The following CPPED1 variants were observed in gnomAD, a reference collection of about 807,000 sequenced individuals.
The protein encoded by CPPED1 is calcineurin like phosphoesterase domain containing 1, also known as serine/threonine-protein phosphatase CPPED1.
In CPPED1, 28 loss-of-function variants were observed where a neutral mutation model predicts 28.0. The observed-to-expected ratio is 1.00, with a 90% CI of 0.74 to 1.37. CPPED1 has a LOEUF of 1.37. CPPED1 is among the 40% of genes most tolerant of loss of function. CPPED1 has a pLI of 0.00. For synonymous variants in CPPED1, 198 were observed against 180.2 expected (o/e 1.10, Z -0.79); for missense variants, 504 against 416.5 (o/e 1.21, Z -1.83).
intron 1 of CPPED1, among the ~76,000 whole-genome samples, chr16:12,798,389 A>T (rs947582916): frequency 7.2e-5 from 11 of 152,240 alleles, no homozygotes; most frequent in African/African-American, 2.7e-4. Context: ...TCATCCTGTT[A>T]GAATTTTTAA....
chr16:12,768,871 T>C (rs1567301795), intron 2 of CPPED1, among the ~76,000 whole-genome samples: 1 of 151,030 alleles, frequency 6.6e-6, no homozygotes, highest in Admixed American at 6.6e-5. Context: ...CTTTTTCTTT[T>C]TTTTTTTTTT....
At chr16:12,755,254 C>T (rs1384559489) in intron 2 of CPPED1, among the ~76,000 whole-genome samples, 1 of 151,164 alleles carries the variant, frequency 6.6e-6, no homozygotes, top group African/African-American at 2.4e-5. Flanking sequence ...CTCAGGGTAA[C>T]CTTCTCACAA....
chr16:12,703,681 CAAAAAAAAAA>C (rs11334902), intron 3 of CPPED1, among the ~76,000 whole-genome samples: 7 of 97,310 alleles, frequency 7.2e-5, no homozygotes, highest in Non-Finnish European at 1.5e-4. Flanking sequence ...GACTTTGTCT[CAAAAAAAAAA>C]AAAAAAAAAA....
intron 2 of CPPED1, among the ~76,000 whole-genome samples, chr16:12,779,591 T>A (rs907175800): frequency 2.0e-5 from 3 of 152,062 alleles, no homozygotes; most frequent in African/African-American, 7.2e-5. Context: ...AATTTCACCA[T>A]GTTGGCCAGG....
intron 1 of CPPED1, among the ~76,000 whole-genome samples, chr16:12,783,615 T>A (rs1297680365): frequency 6.6e-6 from 1 of 152,168 alleles, no homozygotes; most frequent in Non-Finnish European, 1.5e-5. Context: ...ATAACCTTTT[T>A]AAATTCCATG....
chr16:12,702,538 A>G (rs2080026018), intron 3 of CPPED1, among the ~76,000 whole-genome samples: 1 of 150,056 alleles, frequency 6.7e-6, no homozygotes, highest in Non-Finnish European at 1.5e-5. Flanking sequence ...ACTCTCAATC[A>G]ATCAATCAAT....
chr16:12,715,497 TA>T (rs1409043894), intron 2 of CPPED1, among the ~76,000 whole-genome samples: 1 of 151,932 alleles, frequency 6.6e-6, no homozygotes, highest in African/African-American at 2.4e-5. Context: ...CCATCTCTAC[TA>T]AAAGTACAAA....
intron 2 of CPPED1, among the ~76,000 whole-genome samples, chr16:12,733,524 C>A (rs141709159): frequency 2.5e-3 from 385 of 152,320 alleles, no homozygotes; most frequent in African/African-American, 8.8e-3. Context: ...ATCCGCCCGC[C>A]TTGGCCTCCC....
chr16:12,690,096 A>C, intron 3 of CPPED1, among the ~76,000 whole-genome samples: 1 of 152,162 alleles, frequency 6.6e-6, no homozygotes, highest in Non-Finnish European at 1.5e-5. Flanking sequence ...TCTGCATTTT[A>C]AGTGAGCTTT....
intron 3 of CPPED1, among the ~76,000 whole-genome samples, chr16:12,694,783 C>CCT (rs2079981478): frequency 2.1e-5 from 3 of 140,002 alleles, no homozygotes; most frequent in African/African-American, 8.4e-5. Flanking sequence ...AAACCCCCCC[C>CCT]TTTTTTTTTT....
intron 2 of CPPED1, among the ~76,000 whole-genome samples, chr16:12,774,215 T>C (rs910709150): frequency 1.3e-5 from 2 of 152,158 alleles, no homozygotes; most frequent in East Asian, 1.9e-4. Flanking sequence ...TCAACACCTA[T>C]AATCCCAGCA....
intron 1 of CPPED1, among the ~76,000 whole-genome samples, chr16:12,798,883 G>GC (rs753503607): frequency 2.0e-5 from 3 of 152,164 alleles, no homozygotes; most frequent in Non-Finnish European, 4.4e-5. Context: ...CATGCCTTAG[G>GC]AATGTGAGCT....
intron 3 of CPPED1, 115 bp from the exon 4 acceptor site, chr16:12,665,230 T>G: frequency 1.2e-6 from 1 of 865,886 alleles, no homozygotes; most frequent in South Asian, 2.3e-5. Context: ...TATACCATCA[T>G]GTAGAATTAT....
intron 2 of CPPED1, among the ~76,000 whole-genome samples, chr16:12,714,425 A>T (rs1416582491): frequency 6.6e-6 from 1 of 152,220 alleles, no homozygotes; most frequent in Non-Finnish European, 1.5e-5. Context: ...TGAGGGTCCC[A>T]ATGTTTCCAC....
chr16:12,794,856 A>G (rs1430552336), intron 1 of CPPED1, among the ~76,000 whole-genome samples: 4 of 152,220 alleles, frequency 2.6e-5, no homozygotes, highest in Non-Finnish European at 5.9e-5. Context: ...GGCTGCCACA[A>G]TGGCCGTCCT....
intron 1 of CPPED1, among the ~76,000 whole-genome samples, chr16:12,788,438 G>A (rs1298461934): frequency 6.6e-6 from 1 of 152,122 alleles, no homozygotes; most frequent in African/African-American, 2.4e-5. Flanking sequence ...AGCTCATCCT[G>A]GTGAGATCAG....
chr16:12,725,078 G>A (rs572103735), intron 2 of CPPED1, among the ~76,000 whole-genome samples: 4 of 151,520 alleles, frequency 2.6e-5, no homozygotes, highest in Non-Finnish European at 2.9e-5. Context: ...GACTTACTGC[G>A]CCTGGCCAAC....
chr16:12,746,293 T>G (rs1172118539), intron 2 of CPPED1, among the ~76,000 whole-genome samples: 1 of 149,618 alleles, frequency 6.7e-6, no homozygotes, highest in Non-Finnish European at 1.5e-5. Context: ...GAAAATTGCT[T>G]GAGCCTTGGA....
At chr16:12,712,378 G>C (rs1035440242) in intron 2 of CPPED1, among the ~76,000 whole-genome samples, 1 of 152,132 alleles carries the variant, frequency 6.6e-6, no homozygotes, top group Non-Finnish European at 1.5e-5. Flanking sequence ...ACTCCTTTCA[G>C]GGGGGAATTG....
Sources: gnomAD v4.1 joint callset for allele counts (sites outside exome capture counted in the v4.1 genomes callset) on GRCh38, gnomAD v4.1.1 for gene constraint, MANE v1.5 for transcripts, NCBI Gene and HGNC (gene_info 2026-07-23, HGNC 2026-07-21) for gene names.